OPRM1: variants seen among roughly 807,000 people sequenced by gnomAD.
OPRM1 encodes the protein mu-type opioid receptor.
In OPRM1, 27 loss-of-function variants were observed where a neutral mutation model predicts 31.8. That is an observed-to-expected ratio of 0.85 (90% CI 0.63 to 1.17). The LOEUF (loss-of-function observed/expected upper bound fraction) is 1.17. Ranked by LOEUF, OPRM1 falls within the 50% of genes most tolerant of loss-of-function variation. The pLI is 0.00. For synonymous variants in OPRM1, 196 were observed against 189.9 expected, an observed-to-expected ratio of 1.03 and a Z score of -0.26; for missense variants, 536 against 511.1, an observed-to-expected ratio of 1.05 and a Z score of -0.47.
At chr6:154,184,390 A>C (rs1562528720) in intron 3 of OPRM1, among the ~76,000 whole-genome samples, 1 of 152,136 alleles carries the variant, frequency 6.6e-6, no homozygotes, top group Non-Finnish European at 1.5e-5. Context: ...AAAATGATGC[A>C]GTTATCAAAA....
At chr6:154,019,108 C>A (rs1307321582) in intron 1 of OPRM1, among the ~76,000 whole-genome samples, 2 of 150,600 alleles carry the variant, frequency 1.3e-5, no homozygotes, top group African/African-American at 2.4e-5. Flanking sequence ...GTGTTACAAA[C>A]AATCCAATTA....
chr6:154,062,514 T>A (rs1483962423), intron 1 of OPRM1, among the ~76,000 whole-genome samples: 1 of 152,034 alleles, frequency 6.6e-6, no homozygotes, highest in Non-Finnish European at 1.5e-5. Context: ...TTACAAATGC[T>A]ATTGAGTTTT....
chr6:154,241,109 G>A lies in OPRM1; in HGVS notation c.1165-5584G>A, dbSNP rs188666831. 3.8e-3 allele frequency among the ~76,000 whole-genome samples: 582 copies of A among 151,964 alleles called. 4 individuals carry two copies. The highest frequency in any genetic ancestry group is 0.013 in the African/African-American group (549 of 41,426). On this transcript the variant is annotated intron_variant, in intron 3 of 3. Transcript: ENST00000337049. ...AACTTAGCTGGGCGTGGTGGTGCAC[G>A]CCTGTAATCCCAGCTACTCAGGAGG...
At chr6:154,172,188 G>A (rs935276616) in intron 3 of OPRM1, among the ~76,000 whole-genome samples, 1 of 152,176 alleles carries the variant, frequency 6.6e-6, no homozygotes, top group African/African-American at 2.4e-5. Context: ...TAGCCAAATA[G>A]GAACAGCTCC....
chr6:154,231,171 T>A (rs1445784501), intron 3 of OPRM1, among the ~76,000 whole-genome samples: 1 of 152,188 alleles, frequency 6.6e-6, no homozygotes, highest in Non-Finnish European at 1.5e-5. Context: ...CACAGACTCA[T>A]GACCACTAGA....
At chr6:154,171,045 G>C (rs1156548168) in intron 3 of OPRM1, among the ~76,000 whole-genome samples, 2 of 152,056 alleles carry the variant, frequency 1.3e-5, no homozygotes, top group African/African-American at 4.8e-5. Context: ...TAATTGAGTT[G>C]CCACTTTAGA....
chr6:154,199,623 C>A (rs1776910977), intron 3 of OPRM1: 2 of 1,512,142 alleles, frequency 1.3e-6, no homozygotes, highest in African/African-American at 2.8e-5. Flanking sequence ...CATATACAAA[C>A]AAATATTCAC....
chr6:154,090,090 T>A lies in OPRM1; in HGVS notation c.555T>A (p.Asn185Lys), dbSNP rs1294181459. The A allele has an allele frequency of 9.3e-6, 15 of 1,614,198 alleles. No homozygotes were observed. Among genetic ancestry groups the A allele is most frequent in the Non-Finnish European group, 1.2e-5 (14 of 1,180,022 alleles). ...CCTTAGATTTCCGTACTCCCCGAAATGCCAAAATTATCAATGTCTGCAACT... is the reference window on the plus strand; with the variant it reads ...CCTTAGATTTCCGTACTCCCCGAAAAGCCAAAATTATCAATGTCTGCAACT... ...VKALDFRTPR[N>K]AKIINVCNWI... The change falls in exon 2 of 4, where the codon AAT becomes AAA. Residue 185 changes from asparagine to lysine, a missense_variant. Asn to Lys is a moderately conservative substitution (Grantham distance 94). Transcript: ENST00000330432.
At chr6:154,167,781 C>T in intron 3 of OPRM1, 1 of 609,132 alleles carries the variant, frequency 1.6e-6, no homozygotes, top group Non-Finnish European at 2.8e-6. Context: ...TCATCTTGCC[C>T]TATAAAGGTT....
chr6:154,034,307 G>A (rs185301975), upstream of OPRM1, among the ~76,000 whole-genome samples: 20 of 152,324 alleles, frequency 1.3e-4, no homozygotes, highest in African/African-American at 4.1e-4. Flanking sequence ...CACTTTGGGA[G>A]GCTGAGGCAG....
In OPRM1 at chr6:154,194,053, G is replaced by A. The variant is rs1278006617; in HGVS notation, c.1165-52640G>A. Reference sequence around the variant, plus strand: ...GACCATGAGCAGTGGTACACCTAGCGTACTTAACGCCCAGGGCAGATCACT... The same window carrying A: ...GACCATGAGCAGTGGTACACCTAGCATACTTAACGCCCAGGGCAGATCACT... On this transcript the variant is annotated intron_variant, in intron 3 of 3. Coordinates refer to the OPRM1 transcript ENST00000337049. Among the ~76,000 whole-genome samples, 5 of 152,154 alleles carry A rather than the reference G, an allele frequency of 3.3e-5. 1 individual carries two copies. The South Asian group carries it at 6.2e-4, about 19-fold the overall frequency.
At chr6:154,244,033 G>C (rs149854407) in intron 3 of OPRM1, among the ~76,000 whole-genome samples, 1 of 151,726 alleles carries the variant, frequency 6.6e-6, no homozygotes, top group Non-Finnish European at 1.5e-5. Flanking sequence ...GTGTAGGGAC[G>C]GGGCTGGTTG....
Position 154,064,855 on chromosome 6 carries a change from G to A in OPRM1, c.291-24971G>A, listed in dbSNP as rs531362803. Among the ~76,000 whole-genome samples, 9 of 152,198 alleles carry A rather than the reference G, an allele frequency of 5.9e-5. No homozygotes were observed. The South Asian group carries it at 1.7e-3, about 28-fold the overall frequency. On this transcript the variant is annotated intron_variant, in intron 1 of 3. Transcript: ENST00000330432. ...TCTATTCCATTGGTCAATATGTATG[G>A]CTTTATACAAGTACCATGCTGTTTT...
intron 3 of OPRM1, chr6:154,212,909 T>C (rs748883986): frequency 1.7e-6 from 2 of 1,210,494 alleles, no homozygotes; most frequent in Admixed American, 3.5e-5. Flanking sequence ...GCTTATTCCA[T>C]AATGCATGAG....
At chr6:154,214,260 C>T in intron 3 of OPRM1, 1 of 1,610,768 alleles carries the variant, frequency 6.2e-7, no homozygotes, top group South Asian at 1.1e-5. Flanking sequence ...ACAGCCGATC[C>T]AAGTTTATTT....
At chr6:154,153,671 T>G (rs1583662203) in intron 3 of OPRM1, among the ~76,000 whole-genome samples, 14 of 127,812 alleles carry the variant, frequency 1.1e-4, no homozygotes, top group East Asian at 4.5e-4. Flanking sequence ...CGCGACAGAG[T>G]GAAACTCTAT....
At chr6:154,246,354 C>T (rs776063137) in intron 3 of OPRM1, among the ~76,000 whole-genome samples, 15 of 152,130 alleles carry the variant, frequency 9.9e-5, no homozygotes, top group Non-Finnish European at 1.9e-4. Flanking sequence ...ATGTAAATGT[C>T]GACACTCCCT....
At chr6:154,203,744 A>AT (rs1221929508) in intron 3 of OPRM1, among the ~76,000 whole-genome samples, 1 of 152,118 alleles carries the variant, frequency 6.6e-6, no homozygotes, top group Non-Finnish European at 1.5e-5. Context: ...GGTTTTAATC[A>AT]TTTTTCACCT....
At chr6:154,101,089 G>T (rs1794766926) in intron 3 of OPRM1, among the ~76,000 whole-genome samples, 1 of 151,772 alleles carries the variant, frequency 6.6e-6, no homozygotes, top group Admixed American at 6.6e-5. Context: ...TAAGAAATAA[G>T]AATAACTTAA....
Sources: gnomAD v4.1 joint callset for allele counts (sites outside exome capture counted in the v4.1 genomes callset) on GRCh38, gnomAD v4.1.1 for gene constraint, MANE v1.5 for transcripts, NCBI Gene and HGNC (gene_info 2026-07-23, HGNC 2026-07-21) for gene names.